Variants in ABCA4 observed in about 807,000 individuals in gnomAD.
ABCA4 encodes retinal-specific phospholipid-transporting ATPase ABCA4.
In ABCA4, 196 loss-of-function variants were observed where a neutral mutation model predicts 263.7. The ratio of observed to expected loss-of-function variants is 0.74; its 90% CI spans 0.66 to 0.84. The LOEUF (loss-of-function observed/expected upper bound fraction) is 0.84, where lower values mean the gene tolerates loss of function less well. Ranked by LOEUF, ABCA4 falls within the 40% of genes least tolerant of loss-of-function variation. ABCA4 has a pLI of 0.00. For synonymous variants in ABCA4, 1,133 were observed against 1,094.2 expected (o/e 1.04, Z -0.70); for missense variants, 2,792 against 2,855.1 (o/e 0.98, Z 0.50).
At chr1:94,011,180 A>C in intron 39 of ABCA4, 82 bp downstream of exon 39, 1 of 1,607,956 alleles carries the variant, frequency 6.2e-7, no homozygotes, top group Non-Finnish European at 8.5e-7. Context: ...CCCCTGCCAC[A>C]GTCTGATGCA....
intron 11 of ABCA4, among the ~76,000 whole-genome samples, chr1:94,074,634 A>T (rs1226907376): frequency 6.6e-6 from 1 of 152,228 alleles, no homozygotes; most frequent in Non-Finnish European, 1.5e-5. Context: ...GGTATCTATC[A>T]TCTCATGCCA....
At chr1:94,077,538 A>T in intron 11 of ABCA4, 152 bp downstream of exon 11, 1 of 692,580 alleles carries the variant, frequency 1.4e-6, no homozygotes, top group Non-Finnish European at 2.4e-6. Context: ...CTGTTAGAGA[A>T]TGAGAACTGT....
chr1:94,031,969 T>C lies in ABCA4; in HGVS notation c.3937A>G (p.Thr1313Ala). Residue 1313 changes from threonine (T) to alanine (A), a missense_variant, in exon 27 of 50, where the codon ACA becomes GCA. Physicochemically the swap from Thr to Ala is moderately conservative, Grantham distance 58 (BLOSUM62 0). Coordinates refer to ENST00000370225, the MANE Select transcript of ABCA4 (RefSeq NM_000350.3). ...CLGPREKAGQ[T>A]PQDSNVCSPG... Reference sequence around the variant, plus strand: ...GAGCAGACATTGGAGTCCTGGGGTGTCTGTCCAGCCTTCTCTCTGGGACCC... The same window carrying C: ...GAGCAGACATTGGAGTCCTGGGGTGCCTGTCCAGCCTTCTCTCTGGGACCC... 6.2e-7 allele frequency: 1 copy of C among 1,614,052 alleles called. No homozygotes were observed. Among genetic ancestry groups the C allele is most frequent in the Non-Finnish European group, 8.5e-7 (1 of 1,180,008 alleles).
chr1:94,081,538 A>AT (rs899468280), intron 7 of ABCA4, among the ~76,000 whole-genome samples: 9 of 152,240 alleles, frequency 5.9e-5, no homozygotes, highest in Admixed American at 5.9e-4. Flanking sequence ...TATTAGCTTA[A>AT]TTTTACCAAT....
chr1:94,120,065 T>C (rs899522848), intron 1 of ABCA4, among the ~76,000 whole-genome samples: 4 of 152,194 alleles, frequency 2.6e-5, no homozygotes, highest in African/African-American at 7.2e-5. Context: ...GCAAAGTGCA[T>C]TCTTTCTTTA....
At chr1:94,097,860 CG>C (rs1662168931) in intron 6 of ABCA4, among the ~76,000 whole-genome samples, 1 of 152,218 alleles carries the variant, frequency 6.6e-6, no homozygotes, top group South Asian at 2.1e-4. Flanking sequence ...CGCCATTCTC[CG>C]GCCTCAGCCT....
chr1:94,005,014 C>A (rs188659893), intron 44 of ABCA4, among the ~76,000 whole-genome samples: 1 of 152,106 alleles, frequency 6.6e-6, no homozygotes, highest in Non-Finnish European at 1.5e-5. Flanking sequence ...TTTATAGTTG[C>A]GTAAGACTTT....
At chr1:94,055,417 C>T in intron 15 of ABCA4, 102 bp from the exon 16 acceptor site, 1 of 1,155,034 alleles carries the variant, frequency 8.7e-7, no homozygotes, top group Non-Finnish European at 1.3e-6. Flanking sequence ...AAAAGAGGGT[C>T]CCCATTGTCT....
rs908039816 is a variant in ABCA4, at chr1:94,030,984, G to A, written c.4253+12C>T. The A allele has an allele frequency of 2.4e-5, 38 of 1,613,746 alleles. No homozygotes were observed. The highest frequency in any genetic ancestry group is 6.7e-5 in the African/African-American group (5 of 74,900). On this transcript the variant is annotated intron_variant, in intron 28 of 49. Coordinates refer to ENST00000370225, the MANE Select transcript of ABCA4 (RefSeq NM_000350.3). ...ACCCACAGAGGAGAATGGTGACCCC[G>A]AGTCCGCGCACCTGAAGAAGGTGTA... is the stretch of plus-strand genomic sequence containing the variant.
chr1:94,098,409 T>C (rs1158465485), intron 6 of ABCA4, among the ~76,000 whole-genome samples: 1 of 152,212 alleles, frequency 6.6e-6, no homozygotes, highest in African/African-American at 2.4e-5. Flanking sequence ...ATATTTGTTT[T>C]ATAGATGAGT....
chr1:93,994,093 G>A (rs960794704), intron 49 of ABCA4, among the ~76,000 whole-genome samples: 2 of 152,198 alleles, frequency 1.3e-5, no homozygotes, highest in African/African-American at 4.8e-5. Flanking sequence ...ACAAAGATAC[G>A]AGTTATATGG....
At chr1:94,118,735 G>A (rs1662867237) in intron 1 of ABCA4, among the ~76,000 whole-genome samples, 1 of 152,188 alleles carries the variant, frequency 6.6e-6, no homozygotes, top group Non-Finnish European at 1.5e-5. Context: ...CAGCCCGAGT[G>A]GCTCCATCTC....
At chr1:94,060,358 C>T (rs550029485) in intron 14 of ABCA4, among the ~76,000 whole-genome samples, 179 bp downstream of exon 14, 31 of 152,190 alleles carry the variant, frequency 2.0e-4, no homozygotes, top group Non-Finnish European at 3.5e-4. Context: ...GATACAGTGG[C>T]TCCTTCAGGA....
At chr1:94,063,034 C>A in intron 12 of ABCA4, 78 bp downstream of exon 12, 1 of 1,375,126 alleles carries the variant, frequency 7.3e-7, no homozygotes, top group Admixed American at 1.7e-5. Flanking sequence ...TGAGTCCAGT[C>A]TCAATCCCTT....
intron 6 of ABCA4, among the ~76,000 whole-genome samples, chr1:94,085,562 C>G (rs1287726414): frequency 1.3e-5 from 2 of 152,228 alleles, no homozygotes; most frequent in East Asian, 3.9e-4. Flanking sequence ...GCCTCTAGCC[C>G]CCTCCCTTCC....
At chr1:94,016,226 A>C (rs1192555310) in intron 36 of ABCA4, among the ~76,000 whole-genome samples, 1 of 152,246 alleles carries the variant, frequency 6.6e-6, no homozygotes, top group Non-Finnish European at 1.5e-5. Context: ...GCTCAAATAA[A>C]TAATGATACC....
intron 22 of ABCA4, among the ~76,000 whole-genome samples, chr1:94,042,464 G>A (rs1660519197): frequency 6.6e-6 from 1 of 152,208 alleles, no homozygotes; most frequent in South Asian, 2.1e-4. Flanking sequence ...CATGGTCAGA[G>A]AAGACATTCA....
intron 24 of ABCA4, 105 bp from the exon 25 acceptor site, chr1:94,037,455 G>T: frequency 9.5e-7 from 1 of 1,058,158 alleles, no homozygotes; most frequent in Non-Finnish European, 1.4e-6. Flanking sequence ...TTGAAGAAGA[G>T]GTATTTTGTA....
intron 21 of ABCA4, among the ~76,000 whole-genome samples, 165 bp from the exon 22 acceptor site, chr1:94,043,063 A>C (rs529856876): frequency 6.6e-6 from 1 of 152,326 alleles, no homozygotes; most frequent in East Asian, 1.9e-4. Context: ...AGGCTTTGTA[A>C]ATGCAGAAAG....
Sources: allele counts gnomAD v4.1 joint callset (sites outside exome capture counted in the v4.1 genomes callset), GRCh38; gene constraint gnomAD v4.1.1; transcripts MANE v1.5; gene names NCBI Gene and HGNC (gene_info 2026-07-23, HGNC 2026-07-21).